ADGRB3: variants seen among roughly 807,000 people sequenced by gnomAD.
ADGRB3 encodes adhesion G protein-coupled receptor B3, also known as brain-specific angiogenesis inhibitor 3.
In ADGRB3, 37 loss-of-function variants were observed where a neutral mutation model predicts 193.4. The observed-to-expected ratio is 0.19, with a 90% CI of 0.15 to 0.25. The LOEUF (loss-of-function observed/expected upper bound fraction) is 0.25, where lower values mean the gene tolerates loss of function less well. ADGRB3 is among the 10% of genes least tolerant of loss of function. The probability of loss-of-function intolerance (pLI) is 1.00; values close to 1 mark genes in which losing one functional copy is unlikely to be tolerated. For synonymous variants in ADGRB3, 690 were observed against 644.2 expected, an observed-to-expected ratio of 1.07 and a Z score of -1.08; for missense variants, 1,637 against 1,852.9, an observed-to-expected ratio of 0.88 and a Z score of 2.14.
At chr6:68,747,382 A>G (rs1458518724) in intron 3 of ADGRB3, among the ~76,000 whole-genome samples, 1 of 152,228 alleles carries the variant, frequency 6.6e-6, no homozygotes, top group Non-Finnish European at 1.5e-5. Context: ...ACAGTTATAT[A>G]GCATTCATAT....
chr6:69,363,649 G>A (rs893691984), intron 29 of ADGRB3, among the ~76,000 whole-genome samples: 8 of 152,010 alleles, frequency 5.3e-5, no homozygotes, highest in African/African-American at 1.7e-4. Flanking sequence ...TAACTTTAAA[G>A]TTCTTTCTAA....
At chr6:68,678,978 T>A (rs1776816075) in intron 3 of ADGRB3, among the ~76,000 whole-genome samples, 1 of 152,174 alleles carries the variant, frequency 6.6e-6, no homozygotes, top group Non-Finnish European at 1.5e-5. Flanking sequence ...CAAATACAAA[T>A]GGTGGCTTTT....
intron 3 of ADGRB3, among the ~76,000 whole-genome samples, chr6:68,816,293 T>C (rs1767629595): frequency 6.6e-6 from 1 of 152,056 alleles, no homozygotes; most frequent in Non-Finnish European, 1.5e-5. Flanking sequence ...TCATTATTTA[T>C]TATCATGAAA....
chr6:68,666,832 A>G (rs1210360647), intron 3 of ADGRB3, among the ~76,000 whole-genome samples: 3 of 151,810 alleles, frequency 2.0e-5, no homozygotes, highest in African/African-American at 7.2e-5. Flanking sequence ...TTGATAAGAA[A>G]TACATGGAAT....
intron 17 of ADGRB3, among the ~76,000 whole-genome samples, chr6:69,225,866 T>A (rs1257832519): frequency 2.6e-5 from 4 of 152,204 alleles, no homozygotes; most frequent in Non-Finnish European, 4.4e-5. Context: ...GTTAGCTATT[T>A]TCACTAGTGT....
intron 3 of ADGRB3, among the ~76,000 whole-genome samples, chr6:68,916,309 A>G (rs1025151508): frequency 3.9e-5 from 6 of 152,226 alleles, no homozygotes; most frequent in African/African-American, 1.4e-4. Context: ...TGGAAGATAT[A>G]TCTGAGGAAA....
At chr6:69,277,945 CTAT>C (rs1767337345) in intron 20 of ADGRB3, among the ~76,000 whole-genome samples, 1 of 152,192 alleles carries the variant, frequency 6.6e-6, no homozygotes, top group Non-Finnish European at 1.5e-5. Flanking sequence ...AAGATATTAA[CTAT>C]TATTATTGTT....
chr6:69,202,709 T>A (rs1186558894), intron 17 of ADGRB3, among the ~76,000 whole-genome samples: 1 of 152,154 alleles, frequency 6.6e-6, no homozygotes, highest in Non-Finnish European at 1.5e-5. Flanking sequence ...TGAACAACAT[T>A]TCTTATAACT....
chr6:69,029,043 T>G (rs1770529417), intron 13 of ADGRB3, among the ~76,000 whole-genome samples: 1 of 152,156 alleles, frequency 6.6e-6, no homozygotes, highest in African/African-American at 2.4e-5. Flanking sequence ...TGGGTGCATT[T>G]TTTTCCCCTT....
intron 17 of ADGRB3, among the ~76,000 whole-genome samples, chr6:69,163,204 A>G (rs1457392064): frequency 6.6e-6 from 1 of 152,126 alleles, no homozygotes; most frequent in Non-Finnish European, 1.5e-5. Context: ...AGCCCAAGAC[A>G]GCTTCAGGTC....
intron 20 of ADGRB3, among the ~76,000 whole-genome samples, chr6:69,269,358 C>T (rs1767121832): frequency 1.3e-5 from 2 of 152,042 alleles, no homozygotes; most frequent in Non-Finnish European, 2.9e-5. Context: ...AAATTTCAAA[C>T]ATTTACAAAT....
chr6:68,934,816 T>A (rs1767439892), intron 4 of ADGRB3, among the ~76,000 whole-genome samples: 1 of 152,222 alleles, frequency 6.6e-6, no homozygotes, highest in Non-Finnish European at 1.5e-5. Context: ...GAACAAATTA[T>A]GAAGCATGGC....
At chr6:69,335,691 TTAAC>T (rs1212965905) in intron 24 of ADGRB3, among the ~76,000 whole-genome samples, 1 of 152,018 alleles carries the variant, frequency 6.6e-6, no homozygotes, top group Admixed American at 6.6e-5. Context: ...ATAATCAAAA[TTAAC>T]TAAAGAAACA....
intron 16 of ADGRB3, among the ~76,000 whole-genome samples, chr6:69,064,810 T>A (rs1231364620): frequency 6.6e-6 from 1 of 152,214 alleles, no homozygotes; most frequent in East Asian, 1.9e-4. Flanking sequence ...GAAGCTTTTT[T>A]AATAAATTAA....
At chr6:69,062,089 A>C (rs1271691079) in intron 15 of ADGRB3, among the ~76,000 whole-genome samples, 2 of 152,026 alleles carry the variant, frequency 1.3e-5, no homozygotes, top group Non-Finnish European at 2.9e-5. Flanking sequence ...CACAATTCCA[A>C]ACAGGAATAT....
rs1321141641 is a variant in ADGRB3, at chr6:68,637,463, A to C, written c.-115A>C. The C allele has an allele frequency of 6.5e-6, 1 of 152,688 alleles. No individual in the cohort carries two copies. Among genetic ancestry groups the C allele is most frequent in the African/African-American group, 2.4e-5 (1 of 41,468 alleles). The allele number at this position is 152,688 out of a possible 1,614,324, so 9.5% of individuals were successfully genotyped here. ...ATCACTTTTATCAGCTCAAAGGCTA[A>C]ACAAACAAACAAAAGCAGTGTCATT... is the stretch of plus-strand genomic sequence containing the variant. On this transcript the variant is annotated 5_prime_UTR_variant, in exon 2 of 32. Coordinates refer to ENST00000370598, the MANE Select transcript of ADGRB3 (RefSeq NM_001704.3).
At chr6:69,340,158 G>A (rs1768945271) in intron 26 of ADGRB3, among the ~76,000 whole-genome samples, 1 of 152,160 alleles carries the variant, frequency 6.6e-6, no homozygotes, top group Non-Finnish European at 1.5e-5. Flanking sequence ...TCTGGATCAT[G>A]ATTGAGGTTT....
At chr6:68,812,675 T>G (rs1767535200) in intron 3 of ADGRB3, among the ~76,000 whole-genome samples, 1 of 152,186 alleles carries the variant, frequency 6.6e-6, no homozygotes, top group African/African-American at 2.4e-5. Flanking sequence ...TAAGTTCTTT[T>G]TTTTTTCTTT....
intron 20 of ADGRB3, among the ~76,000 whole-genome samples, chr6:69,242,686 A>G (rs1446008617): frequency 1.3e-5 from 2 of 151,984 alleles, no homozygotes; most frequent in Non-Finnish European, 2.9e-5. Flanking sequence ...ACTGGCAACA[A>G]AGTAAGGAAC....
Sources: allele counts gnomAD v4.1 joint callset (sites outside exome capture counted in the v4.1 genomes callset), GRCh38; gene constraint gnomAD v4.1.1; transcripts MANE v1.5; gene names NCBI Gene and HGNC (gene_info 2026-07-23, HGNC 2026-07-21).